Variants in ZIM2 observed in about 807,000 individuals in gnomAD.
ZIM2 encodes the protein zinc finger protein 656.
In ZIM2, 14 loss-of-function variants were observed where a neutral mutation model predicts 38.6. The ratio of observed to expected loss-of-function variants is 0.36; its 90% CI spans 0.24 to 0.57. The LOEUF (loss-of-function observed/expected upper bound fraction) is 0.57, where lower values mean the gene tolerates loss of function less well. Among genes scored for constraint, ZIM2 ranks in the 20% least tolerant of loss-of-function variants. The pLI is 0.81. For synonymous variants in ZIM2, 247 were observed against 245.8 expected (o/e 1.00, Z -0.04); for missense variants, 680 against 695.1 (o/e 0.98, Z 0.24).
chr19:56,803,487 G>C (rs1322909780), intron 9 of ZIM2, among the ~76,000 whole-genome samples: 7 of 152,182 alleles, frequency 4.6e-5, no homozygotes, highest in Non-Finnish European at 1.0e-4. Flanking sequence ...AGCAGAGCTT[G>C]TTGCTCTAAC....
chr19:56,815,761 G>A, intron 9 of ZIM2: 2 of 1,614,032 alleles, frequency 1.2e-6, no homozygotes, highest in Non-Finnish European at 1.7e-6. Flanking sequence ...CTGTATGACA[G>A]AGTCTTCATA....
chr19:56,810,517 G>C (rs2048058386), intron 9 of ZIM2: 2 of 984,120 alleles, frequency 2.0e-6, no homozygotes, highest in African/African-American at 3.5e-5. Flanking sequence ...TTGGGTGTTG[G>C]GAATATGTGT....
intron 9 of ZIM2, chr19:56,816,897 A>G: frequency 6.2e-7 from 1 of 1,614,186 alleles, no homozygotes. Flanking sequence ...CGGCACTCTT[A>G]TTGAAGGTCT....
intron 9 of ZIM2, chr19:56,813,102 CA>C (rs2059649667): frequency 7.1e-6 from 7 of 983,874 alleles, no homozygotes; most frequent in Non-Finnish European, 8.4e-6. Flanking sequence ...AACAATTACT[CA>C]AAAAGATATT....
chr19:56,822,844 G>C lies in ZIM2; in HGVS notation c.107-8C>G. 2 of 1,612,376 alleles carry C rather than the reference G, an allele frequency of 1.2e-6. No individual in the cohort carries two copies. Among genetic ancestry groups the C allele is most frequent in the Non-Finnish European group, 1.7e-6 (2 of 1,179,306 alleles). ...GGTCCCAGTCCCGGTCACCTAAGCA[G>C]GTGAGACATTCCAGTGGTTAACAAA... On this transcript the variant is annotated splice_region_variant and splice_polypyrimidine_tract_variant and intron_variant, in intron 5 of 12. Transcript: ENST00000629319.
intron 11 of ZIM2, among the ~76,000 whole-genome samples, chr19:56,780,245 CTTT>C (rs66492427): frequency 8.5e-5 from 11 of 129,350 alleles, no homozygotes; most frequent in Non-Finnish European, 1.2e-4. Flanking sequence ...TTTCTTTTTT[CTTT>C]TTTTTTTTTT....
intron 9 of ZIM2, among the ~76,000 whole-genome samples, chr19:56,796,439 C>G (rs912502833): frequency 1.3e-5 from 2 of 152,216 alleles, no homozygotes; most frequent in Non-Finnish European, 2.9e-5. Context: ...ATGTCTCACT[C>G]TGTCACCCAG....
chr19:56,811,211 T>C (rs1421354646), intron 9 of ZIM2: 6 of 969,816 alleles, frequency 6.2e-6, no homozygotes, highest in Non-Finnish European at 7.4e-6. Context: ...ATAAAGAACA[T>C]TCAAGAAATT....
intron 1 of ZIM2, among the ~76,000 whole-genome samples, chr19:56,838,454 G>T (rs543097338): frequency 6.6e-6 from 1 of 152,112 alleles, no homozygotes. Flanking sequence ...GAACGGTCCC[G>T]GGCCCCAGCC....
intron 9 of ZIM2, among the ~76,000 whole-genome samples, chr19:56,801,994 G>T (rs2047548184): frequency 6.6e-6 from 1 of 152,126 alleles, no homozygotes. Context: ...TAACAGAAAG[G>T]ATCCTAAAGA....
intron 9 of ZIM2, chr19:56,811,291 T>C: frequency 1.1e-6 from 1 of 918,126 alleles, no homozygotes; most frequent in South Asian, 5.0e-5. Flanking sequence ...TAAGCATATA[T>C]ATTTTTAAAC....
intron 12 of ZIM2, among the ~76,000 whole-genome samples, chr19:56,777,922 T>C (rs2046105983): frequency 6.6e-6 from 1 of 152,140 alleles, no homozygotes; most frequent in Non-Finnish European, 1.5e-5. Context: ...ATATTGCCCT[T>C]CCTACTGTTT....
At position 56,814,594 on chromosome 19, in the gene ZIM2, T is replaced by A; in HGVS notation, c.490+3152A>T. On this transcript the variant is annotated intron_variant, in intron 9 of 12. Transcript: ENST00000629319. The surrounding 1 kb of genome is among the most constrained non-coding windows in gnomAD (Gnocchi z 5.8). ...GAAAGATTCTCCACAGACTGCACAT[T>A]CAAAGAGTCTCTCTTCGGTCTGACT... is the stretch of plus-strand genomic sequence containing the variant. 6.2e-7 allele frequency: 1 copy of A among 1,614,130 alleles called. No individual in the cohort carries two copies.
intron 9 of ZIM2, among the ~76,000 whole-genome samples, chr19:56,790,269 TAA>T (rs1384914414): frequency 6.6e-6 from 1 of 152,210 alleles, no homozygotes; most frequent in Non-Finnish European, 1.5e-5. Flanking sequence ...TTCTCAACTG[TAA>T]AGCAGAAATA....
chr19:56,800,646 T>C (rs2047474685), intron 9 of ZIM2, among the ~76,000 whole-genome samples: 1 of 152,052 alleles, frequency 6.6e-6, no homozygotes, highest in African/African-American at 2.4e-5. Flanking sequence ...TAAAGATGTA[T>C]TTTTGGTAAG....
intron 12 of ZIM2, among the ~76,000 whole-genome samples, chr19:56,777,376 T>G (rs988475952): frequency 6.6e-6 from 1 of 152,258 alleles, no homozygotes; most frequent in African/African-American, 2.4e-5. Context: ...TTCAGCATGT[T>G]CTGTCAGTTC....
rs2045915785 is a variant in ZIM2, at chr19:56,774,689, C to G, written c.1676G>C (p.Ter559SerextTer21). The change falls in exon 13 of 13, where the codon TGA becomes TCA. Residue 559 changes from the stop codon to serine (S), a stop_lost. Coordinates refer to ENST00000629319, the MANE Select transcript of ZIM2 (RefSeq NM_001387356.1). The stretch of plus-strand genomic sequence containing the variant: ...GTGTGTGCTGTGACTAAAGGTTTCT[C>G]AACAGTGATCGCACTCAACAGTTTT... ...QEKTVECDHC[*>S] is the part of the protein sequence containing the mutation. 1 of 1,613,300 alleles carries G rather than the reference C, an allele frequency of 6.2e-7. No individual in the cohort carries two copies. Among genetic ancestry groups the G allele is most frequent in the Non-Finnish European group, 8.5e-7 (1 of 1,179,512 alleles).
At chr19:56,839,749 T>A (rs1601357446) in intron 1 of ZIM2, among the ~76,000 whole-genome samples, 1 of 149,758 alleles carries the variant, frequency 6.7e-6, no homozygotes, top group Non-Finnish European at 1.5e-5. Context: ...CCTCGCCCCA[T>A]CTGCCACCAA....
chr19:56,776,539 G>C (rs1477424733), intron 12 of ZIM2, among the ~76,000 whole-genome samples: 1 of 152,130 alleles, frequency 6.6e-6, no homozygotes, highest in African/African-American at 2.4e-5. Flanking sequence ...GGAAACACTG[G>C]AGCAAACAGG....
Sources: gnomAD v4.1 joint callset for allele counts (sites outside exome capture counted in the v4.1 genomes callset) on GRCh38, gnomAD v4.1.1 for gene constraint, Gnocchi (gnomAD v3.1) non-coding constraint, MANE v1.5 for transcripts, NCBI Gene and HGNC (gene_info 2026-07-23, HGNC 2026-07-21) for gene names.